The following CNOT9 variants were observed in gnomAD, a reference collection of about 807,000 sequenced individuals.
CNOT9 encodes the protein RCD1 required for cell differentiation1 homolog.
A neutral mutation model predicts 37.4 loss-of-function variants in CNOT9; 8 were observed. The observed-to-expected ratio is 0.21, with a 90% CI of 0.13 to 0.39. CNOT9 has a LOEUF of 0.39. Ranked by LOEUF, CNOT9 falls within the 10% of genes least tolerant of loss-of-function variation. The pLI is 1.00. For missense variants in CNOT9, 154 were observed against 365.3 expected, an observed-to-expected ratio of 0.42 and a Z score of 4.71; for synonymous variants, 120 against 137.6, an observed-to-expected ratio of 0.87 and a Z score of 0.90.
chr2:218,587,315 G>T (rs1694627042), intron 4 of CNOT9: 1 of 297,586 alleles, frequency 3.4e-6, no homozygotes, highest in African/African-American at 2.2e-5. Flanking sequence ...TAGAGACGGG[G>T]TTTCACCATG....
rs1437981895 is a variant in CNOT9 at position 218,595,565 on chromosome 2, C to G, written c.*1289C>G. 1 of 151,704 alleles carries G rather than the reference C, an allele frequency of 6.6e-6. No homozygotes were observed. Among genetic ancestry groups the G allele is most frequent in the Non-Finnish European group, 1.5e-5 (1 of 67,956 alleles). The allele number at this position is 151,704 out of a possible 1,614,324, so 9.4% of individuals were successfully genotyped here. On this transcript the variant is annotated 3_prime_UTR_variant, in exon 8 of 8. Transcript: ENST00000273064. ...CAATCCATAGGCTTGAATCTGCAAC[C>G]TAGTGTAAACTGCCTTGCTTTCCCC...
intron 1 of CNOT9, among the ~76,000 whole-genome samples, chr2:218,574,957 T>C (rs1166597821): frequency 6.6e-6 from 1 of 152,148 alleles, no homozygotes; most frequent in Non-Finnish European, 1.5e-5. Context: ...CAAAGTTTTT[T>C]TTTTAAAAAA....
At chr2:218,578,422 C>T (rs2106083640) in intron 1 of CNOT9, among the ~76,000 whole-genome samples, 1 of 152,284 alleles carries the variant, frequency 6.6e-6, no homozygotes, top group East Asian at 1.9e-4. Context: ...TGCTTCTGAT[C>T]TTCAACAAAG....
In CNOT9 at chr2:218,595,501, C is replaced by G. The variant is rs1221434272; in HGVS notation, c.*1225C>G. 7.5e-6 allele frequency: 1 copy of G among 133,070 alleles called. No homozygotes were observed. Among genetic ancestry groups the G allele is most frequent in the Admixed American group, 9.1e-5 (1 of 10,950 alleles). 8.2% of individuals were successfully genotyped at this position (133,070 alleles called of 1,614,324 possible). A position where few individuals can be genotyped will look rare whatever the true frequency, so the allele number is the denominator to read the frequency against. On this transcript the variant is annotated 3_prime_UTR_variant, in exon 8 of 8. Transcript: ENST00000273064. ...AAATATTCACTTGTTCATATCGTGTCAGAGATTTCCTCTTCTCTGGAGCTT... is the reference window on the plus strand; with the variant it reads ...AAATATTCACTTGTTCATATCGTGTGAGAGATTTCCTCTTCTCTGGAGCTT...
At chr2:218,585,224 T>G (rs1053212872) in intron 4 of CNOT9, among the ~76,000 whole-genome samples, 1 of 100,402 alleles carries the variant, frequency 1.0e-5, no homozygotes, top group Non-Finnish European at 2.1e-5. Flanking sequence ...CACTGTCTTT[T>G]TTTGTTTGTT....
At chr2:218,582,944 C>A in intron 2 of CNOT9, 27 bp from the exon 3 acceptor site, 1 of 1,180,080 alleles carries the variant, frequency 8.5e-7, no homozygotes, top group Non-Finnish European at 1.2e-6. Context: ...ATTCCTTATT[C>A]ATCTGATGCT....
In CNOT9 at chr2:218,592,862, T is replaced by G. The variant is rs1240724483; in HGVS notation, c.731+155T>G. The G allele has an allele frequency of 3.2e-6, 2 of 624,934 alleles. No individual in the cohort carries two copies. Among genetic ancestry groups the G allele is most frequent in the Non-Finnish European group, 5.6e-6 (2 of 358,600 alleles). 38.7% of individuals were successfully genotyped at this position (624,934 alleles called of 1,614,324 possible). ...CAGAACTTAGATTCTTTTAAAAATC[T>G]GAAATGCTGAATTTTAGTAGCCATC... is the stretch of plus-strand genomic sequence containing the variant. On this transcript the variant is annotated intron_variant, in intron 7 of 7. Coordinates refer to ENST00000273064, the MANE Select transcript of CNOT9 (RefSeq NM_005444.3). The surrounding 1 kb of genome is among the most constrained non-coding windows in gnomAD (Gnocchi z 4.1).
intron 5 of CNOT9, among the ~76,000 whole-genome samples, chr2:218,591,059 C>T (rs956716875): frequency 6.6e-6 from 1 of 152,110 alleles, no homozygotes; most frequent in Non-Finnish European, 1.5e-5. Context: ...CAGGGATAAT[C>T]CCCCATCTCA....
intron 1 of CNOT9, 94 bp downstream of exon 1, chr2:218,569,072 C>A: frequency 7.0e-7 from 1 of 1,425,998 alleles, no homozygotes; most frequent in Non-Finnish European, 9.7e-7. Flanking sequence ...GGTCCCTAGT[C>A]TGATTTTTTT....
At chr2:218,569,995 T>G (rs1289081706) in intron 1 of CNOT9, among the ~76,000 whole-genome samples, 1 of 152,176 alleles carries the variant, frequency 6.6e-6, no homozygotes, top group Non-Finnish European at 1.5e-5. Context: ...AATTATTGTA[T>G]TCGTTTATTT....
chr2:218,582,947 C>A, intron 2 of CNOT9, 24 bp from the exon 3 acceptor site: 2 of 1,284,226 alleles, frequency 1.6e-6, no homozygotes, highest in Non-Finnish European at 2.2e-6. Flanking sequence ...CCTTATTCAT[C>A]TGATGCTGAT....
chr2:218,593,843 T>C, intron 7 of CNOT9: 1 of 1,217,176 alleles, frequency 8.2e-7, no homozygotes, highest in South Asian at 2.4e-5. Flanking sequence ...GCTGTTTGAA[T>C]GGAAGTAAAC....
intron 5 of CNOT9, among the ~76,000 whole-genome samples, chr2:218,591,198 A>G (rs1395989499): frequency 6.6e-6 from 1 of 152,194 alleles, no homozygotes; most frequent in Non-Finnish European, 1.5e-5. Flanking sequence ...TATAACCCCA[A>G]TAAAATAGTA....
At chr2:218,591,499 T>G (rs939955797) in intron 5 of CNOT9, among the ~76,000 whole-genome samples, 1 of 152,186 alleles carries the variant, frequency 6.6e-6, no homozygotes. Context: ...ATCCCAGCAC[T>G]TTGGTAGGCC....
chr2:218,594,832 C>G lies in CNOT9; in HGVS notation c.*556C>G, dbSNP rs778530177. 6.5e-6 allele frequency: 1 copy of G among 152,862 alleles called. No homozygotes were observed. Among genetic ancestry groups the G allele is most frequent in the Non-Finnish European group, 1.5e-5 (1 of 68,602 alleles). The allele number at this position is 152,862 out of a possible 1,614,324, so 9.5% of individuals were successfully genotyped here. A position where few individuals can be genotyped will look rare whatever the true frequency, so the allele number is the denominator to read the frequency against. ...TTCAGCAAAACTTTGTCGACTGGCA[C>G]TGTTTACAAGTCTGTTAGCTGCATA... is the stretch of plus-strand genomic sequence containing the variant. On this transcript the variant is annotated 3_prime_UTR_variant, in exon 8 of 8. Transcript: ENST00000273064.
In CNOT9 at chr2:218,592,757, AGTTT is replaced by A; in HGVS notation, c.731+51_731+54del. On this transcript the variant is annotated intron_variant, in intron 7 of 7. Transcript: ENST00000273064. The surrounding 1 kb of genome is among the most constrained non-coding windows in gnomAD (Gnocchi z 4.1). Reference sequence around the variant, plus strand: ...ACTTTAGGGAAATACTCTGCTGAACAGTTTCCTAATCTCATGGCATAGCTCCTGT... The same window carrying A: ...ACTTTAGGGAAATACTCTGCTGAACACCTAATCTCATGGCATAGCTCCTGT... 1 of 1,441,206 alleles carries A rather than the reference AGTTT, an allele frequency of 6.9e-7. No homozygotes were observed. The highest frequency in any genetic ancestry group is 9.8e-7 in the Non-Finnish European group (1 of 1,022,844). The allele number at this position is 1,441,206 out of a possible 1,614,324, so 89.3% of individuals were successfully genotyped here.
At chr2:218,573,092 G>A (rs935273599) in intron 1 of CNOT9, among the ~76,000 whole-genome samples, 1 of 152,168 alleles carries the variant, frequency 6.6e-6, no homozygotes, top group African/African-American at 2.4e-5. Flanking sequence ...GGCTGAGGCA[G>A]GTGGATCATA....
Position 218,589,565 on chromosome 2 carries a change from G to A in CNOT9, c.540+1870G>A, listed in dbSNP as rs187975747. ...TGCCTGGGCTACTCTTGAACTCCTG[G>A]GCTCAAAGGATCTTCCTGCCTTCTG... On this transcript the variant is annotated intron_variant, in intron 5 of 7. Transcript: ENST00000273064. Among the ~76,000 whole-genome samples, 236 of 152,192 alleles carry A rather than the reference G, an allele frequency of 1.6e-3. 2 individuals carry two copies. Among genetic ancestry groups the A allele is most frequent in the African/African-American group, 5.3e-3 (222 of 41,528 alleles).
chr2:218,596,645 G>C lies in CNOT9; in HGVS notation c.*2369G>C, dbSNP rs1368560343. 2.6e-5 allele frequency: 4 copies of C among 152,202 alleles called. No homozygotes were observed. Among genetic ancestry groups the C allele is most frequent in the Non-Finnish European group, 5.9e-5 (4 of 68,058 alleles). The allele number at this position is 152,202 out of a possible 1,614,324, so 9.4% of individuals were successfully genotyped here. On this transcript the variant is annotated 3_prime_UTR_variant, in exon 8 of 8. Transcript: ENST00000273064. ...TCTGAGGTACAAAAGCTGTTTGGGA[G>C]GCTGGGAGGGGGATGATGCCCCTTA... is the stretch of plus-strand genomic sequence containing the variant.
Sources: gnomAD v4.1 joint callset for allele counts (sites outside exome capture counted in the v4.1 genomes callset) on GRCh38, gnomAD v4.1.1 for gene constraint, Gnocchi (gnomAD v3.1) non-coding constraint, MANE v1.5 for transcripts, NCBI Gene and HGNC (gene_info 2026-07-23, HGNC 2026-07-21) for gene names.